STXBP5: variants seen among roughly 807,000 people sequenced by gnomAD.
STXBP5 encodes syntaxin-binding protein 5.
A neutral mutation model predicts 152.4 loss-of-function variants in STXBP5; 50 were observed. The observed-to-expected ratio is 0.33, with a 90% CI of 0.26 to 0.42. STXBP5 has a LOEUF of 0.42. STXBP5 is among the 10% of genes least tolerant of loss of function. The probability of loss-of-function intolerance (pLI) is 1.00; values close to 1 mark genes in which losing one functional copy is unlikely to be tolerated. For missense variants in STXBP5, 1,167 were observed against 1,388.6 expected, an observed-to-expected ratio of 0.84 and a Z score of 2.54; for synonymous variants, 492 against 494.7, an observed-to-expected ratio of 0.99 and a Z score of 0.07.
intron 8 of STXBP5, among the ~76,000 whole-genome samples, chr6:147,279,054 C>T (rs1251961833): frequency 6.6e-6 from 1 of 152,150 alleles, no homozygotes; most frequent in Admixed American, 6.5e-5. Flanking sequence ...AATCATCCTC[C>T]TCAGGGAATA....
chr6:147,372,688 C>T (rs541277840), intron 25 of STXBP5, among the ~76,000 whole-genome samples: 14 of 152,074 alleles, frequency 9.2e-5, no homozygotes, highest in Non-Finnish European at 2.1e-4. Flanking sequence ...CCACCTCGGC[C>T]TCCCAAAGTG....
In STXBP5 at chr6:147,204,907, A is replaced by G. The variant is rs890652106; in HGVS notation, c.150+225A>G. 2.0e-5 allele frequency among the ~76,000 whole-genome samples: 3 copies of G among 152,192 alleles called. No individual in the cohort carries two copies. Among genetic ancestry groups the G allele is most frequent in the Non-Finnish European group, 4.4e-5 (3 of 68,040 alleles). On this transcript the variant is annotated intron_variant, in intron 1 of 27. Transcript: ENST00000321680. The surrounding 1 kb of genome is among the most constrained non-coding windows in gnomAD (Gnocchi z 4.3). ...ATTGATTTTTCTCTCTCCCCTTTGC[A>G]CATGCAGCAATCAGTTCAAGGTTGC... is the stretch of plus-strand genomic sequence containing the variant.
At chr6:147,349,058 A>G (rs913221998) in intron 21 of STXBP5, among the ~76,000 whole-genome samples, 2 of 152,218 alleles carry the variant, frequency 1.3e-5, no homozygotes, top group Non-Finnish European at 2.9e-5. Flanking sequence ...TCAAAGATAA[A>G]AAAGCATATA....
chr6:147,235,229 C>T (rs995422120), intron 2 of STXBP5, 21 bp from the exon 3 acceptor site: 6 of 1,609,068 alleles, frequency 3.7e-6, no homozygotes, highest in South Asian at 1.1e-5. Context: ...ACCATAAACT[C>T]CTTAATGGAA....
At chr6:147,231,735 G>A (rs1374082002) in intron 2 of STXBP5, among the ~76,000 whole-genome samples, 2 of 151,670 alleles carry the variant, frequency 1.3e-5, no homozygotes, top group Admixed American at 6.6e-5. Context: ...AGTTTCAGAC[G>A]TTTAATTTTT....
At chr6:147,248,349 G>T (rs1778916949) in intron 4 of STXBP5, among the ~76,000 whole-genome samples, 1 of 151,652 alleles carries the variant, frequency 6.6e-6, no homozygotes, top group African/African-American at 2.4e-5. Context: ...TTTTATTAAT[G>T]CATGAATAGC....
intron 18 of STXBP5, among the ~76,000 whole-genome samples, chr6:147,329,637 T>TTC (rs1683104438): frequency 1.4e-5 from 2 of 139,218 alleles, no homozygotes; most frequent in Admixed American, 1.5e-4. Context: ...TTTTTTTTTT[T>TTC]TTTTTTGAGA....
At chr6:147,225,238 G>A (rs542586898) in intron 2 of STXBP5, among the ~76,000 whole-genome samples, 2 of 152,120 alleles carry the variant, frequency 1.3e-5, no homozygotes, top group South Asian at 4.1e-4. Context: ...TACTTTCACA[G>A]AATATTATAT....
intron 26 of STXBP5, among the ~76,000 whole-genome samples, chr6:147,381,667 C>A (rs960762878): frequency 1.3e-5 from 2 of 152,130 alleles, no homozygotes; most frequent in African/African-American, 4.8e-5. Flanking sequence ...AGCAAAATAA[C>A]ACCTTATCCA....
At chr6:147,207,551 T>G (rs1358723119) in intron 2 of STXBP5, among the ~76,000 whole-genome samples, 2 of 152,148 alleles carry the variant, frequency 1.3e-5, no homozygotes, top group African/African-American at 2.4e-5. Context: ...TAGTTTAGGG[T>G]TGTGTGAAGA....
intron 21 of STXBP5, among the ~76,000 whole-genome samples, chr6:147,343,408 CTT>C (rs1784178406): frequency 1.3e-5 from 2 of 152,164 alleles, no homozygotes; most frequent in East Asian, 1.9e-4. Context: ...AAAGTCTTCT[CTT>C]TGTTGTTTTA....
intron 2 of STXBP5, among the ~76,000 whole-genome samples, chr6:147,216,918 T>A (rs1418049153): frequency 6.6e-6 from 1 of 152,262 alleles, no homozygotes; most frequent in Non-Finnish European, 1.5e-5. Flanking sequence ...TAGCTATTGT[T>A]AAACAGCAAG....
At chr6:147,331,420 G>C (rs1165051569) in intron 18 of STXBP5, among the ~76,000 whole-genome samples, 9 of 152,168 alleles carry the variant, frequency 5.9e-5, no homozygotes, top group Non-Finnish European at 2.9e-5. Flanking sequence ...TTTTGTTTAA[G>C]CACATCTAAG....
chr6:147,387,518 GTATTTGCTGAGAAAGT>G lies in STXBP5; in HGVS notation c.*2770_*2785del, dbSNP rs1171413308. ...TCAGTTTTCAAACTAAAATCCATAT[GTATTTGCTGAGAAAGT>G]TATTTGAAATCTTATATTCTGACAA... On this transcript the variant is annotated 3_prime_UTR_variant, in exon 28 of 28. Transcript: ENST00000321680. 1 of 151,728 alleles carries G rather than the reference GTATTTGCTGAGAAAGT, an allele frequency of 6.6e-6. No individual in the cohort carries two copies. The highest frequency in any genetic ancestry group is 1.5e-5 in the Non-Finnish European group (1 of 67,742). 9.4% of individuals were successfully genotyped at this position (151,728 alleles called of 1,614,324 possible). A position where few individuals can be genotyped will look rare whatever the true frequency, so the allele number is the denominator to read the frequency against.
chr6:147,366,840 A>T (rs544920311), intron 25 of STXBP5, among the ~76,000 whole-genome samples: 1 of 152,352 alleles, frequency 6.6e-6, no homozygotes, highest in South Asian at 2.1e-4. Flanking sequence ...AGCAAGAATC[A>T]AAAGGATGAA....
intron 4 of STXBP5, among the ~76,000 whole-genome samples, chr6:147,248,212 C>T (rs1778907508): frequency 6.8e-6 from 1 of 147,980 alleles, no homozygotes. Flanking sequence ...ACCCAGGAAG[C>T]AGAGGTTGCA....
At chr6:147,351,162 T>C (rs750883723) in intron 21 of STXBP5, among the ~76,000 whole-genome samples, 5 of 152,218 alleles carry the variant, frequency 3.3e-5, no homozygotes, top group Non-Finnish European at 7.3e-5. Context: ...ACCAGCAGCA[T>C]CAGCAGCTCC....
chr6:147,297,357 A>G (rs550679350), intron 9 of STXBP5, among the ~76,000 whole-genome samples: 8 of 152,322 alleles, frequency 5.3e-5, no homozygotes, highest in Admixed American at 2.6e-4. Context: ...CAGCAAAGCT[A>G]TCCTTCAGAA....
rs1413854591 is a variant in STXBP5 at position 147,239,665 on chromosome 6, A to G, written c.431+395A>G. On this transcript the variant is annotated intron_variant, in intron 4 of 27. Transcript: ENST00000321680. The stretch of plus-strand genomic sequence containing the variant: ...TGAATCATTTTCATAACTACATAAT[A>G]TTCTGTTCTATATAAGTGCCATAAT... 7.2e-5 allele frequency among the ~76,000 whole-genome samples: 11 copies of G among 152,176 alleles called. No individual in the cohort carries two copies. The South Asian group carries it at 2.3e-3, about 31-fold the overall frequency.
Sources: allele counts gnomAD v4.1 joint callset (sites outside exome capture counted in the v4.1 genomes callset), GRCh38; gene constraint gnomAD v4.1.1; non-coding constraint Gnocchi (gnomAD v3.1); transcripts MANE v1.5; gene names NCBI Gene and HGNC (gene_info 2026-07-23, HGNC 2026-07-21).